Variants in AFF3 observed in about 807,000 individuals in gnomAD.
AFF3 encodes ALF transcription elongation factor 3.
In AFF3, 32 loss-of-function variants were observed where a neutral mutation model predicts 129.7. The ratio of observed to expected loss-of-function variants is 0.25; its 90% confidence interval spans 0.19 to 0.33. The LOEUF is 0.33. Among genes scored for constraint, AFF3 ranks in the 10% least tolerant of loss-of-function variants. The pLI is 1.00. For synonymous variants in AFF3, 644 were observed against 635.4 expected (o/e 1.01, Z -0.20); for missense variants, 1,373 against 1,592.0 (o/e 0.86, Z 2.34).
At chr2:99,799,292 TACATAAAATGAAAC>T (rs1685761952) in intron 8 of AFF3, among the ~76,000 whole-genome samples, 3 of 151,002 alleles carry the variant, frequency 2.0e-5, no homozygotes, top group African/African-American at 7.3e-5. Context: ...TAATACAAAC[TACATAAAATGAAAC>T]ACAGAGAGAA....
At chr2:99,911,114 G>A (rs1011670707) in intron 7 of AFF3, among the ~76,000 whole-genome samples, 4 of 152,230 alleles carry the variant, frequency 2.6e-5, no homozygotes, top group Non-Finnish European at 5.9e-5. Flanking sequence ...GCTAGGGTGT[G>A]GGCTTCCTGG....
At chr2:99,553,651 C>T (rs1470080653) in intron 24 of AFF3, among the ~76,000 whole-genome samples, 5 of 151,978 alleles carry the variant, frequency 3.3e-5, no homozygotes, top group Non-Finnish European at 7.4e-5. Flanking sequence ...TGGTGGCTCA[C>T]GCCTGTAATC....
rs138260665 is a variant in AFF3, at chr2:99,660,193, T to C, written c.1144-10527A>G. On this transcript the variant is annotated intron_variant, in intron 12 of 24. Transcript: ENST00000672756. ...ACTTTCCACTGGCCTTGGCAGGTGG[T>C]TGAGTAATATGAAAGCAACTAGCGC... 5.1e-4 allele frequency among the ~76,000 whole-genome samples: 77 copies of C among 152,282 alleles called. 1 individual carries two copies. The East Asian group carries it at 0.013, about 26-fold the overall frequency.
chr2:99,613,320 G>C (rs1265056940), intron 13 of AFF3, among the ~76,000 whole-genome samples: 1 of 152,070 alleles, frequency 6.6e-6, no homozygotes, highest in African/African-American at 2.4e-5. Context: ...AAAGTTATCT[G>C]TTCCTTGAAA....
At chr2:99,937,901 T>C (rs116296507) in intron 7 of AFF3, among the ~76,000 whole-genome samples, 2,022 of 152,150 alleles carry the variant, frequency 0.013, 56 homozygotes, top group African/African-American at 0.046. Flanking sequence ...AACCAGTCGT[T>C]GATGTATTTC....
chr2:100,029,167 C>A (rs1684284247), intron 4 of AFF3, among the ~76,000 whole-genome samples: 1 of 152,186 alleles, frequency 6.6e-6, no homozygotes, highest in South Asian at 2.1e-4. Context: ...GAAGCCCTAA[C>A]CTCCAGTATC....
intron 7 of AFF3, among the ~76,000 whole-genome samples, chr2:99,997,683 A>T (rs4485586): frequency 0.11 from 16,342 of 152,150 alleles, 1,214 homozygotes; most frequent in Non-Finnish European, 0.15. Flanking sequence ...GCCTTGCAAG[A>T]CGTGGCCTCC....
intron 9 of AFF3, among the ~76,000 whole-genome samples, chr2:99,748,478 G>C (rs901001555): frequency 6.6e-6 from 1 of 152,110 alleles, no homozygotes; most frequent in Non-Finnish European, 1.5e-5. Flanking sequence ...CAAATCATTA[G>C]AGCCCAAGGC....
intron 8 of AFF3, among the ~76,000 whole-genome samples, chr2:99,770,882 C>T (rs963942105): frequency 6.6e-6 from 1 of 152,142 alleles, no homozygotes; most frequent in African/African-American, 2.4e-5. Context: ...CCTCTTTACT[C>T]TTGCCCCTCC....
At chr2:99,583,406 G>A (rs1274995039) in intron 16 of AFF3, among the ~76,000 whole-genome samples, 2 of 152,032 alleles carry the variant, frequency 1.3e-5, no homozygotes, top group African/African-American at 2.4e-5. Flanking sequence ...TTTTTGAGAC[G>A]GGATCTGGCT....
rs187028161 is a variant in AFF3, at chr2:99,828,290, G to A, written c.921+9187C>T. On this transcript the variant is annotated intron_variant, in intron 8 of 24. Coordinates refer to ENST00000672756, the MANE Select transcript of AFF3 (RefSeq NM_001386135.1). ...CATTGCATTGATGGTGAGCTCCAGC[G>A]GGGAATAAGTTACCCTTCAAGGAAG... 5.3e-5 allele frequency among the ~76,000 whole-genome samples: 8 copies of A among 152,264 alleles called. No individual in the cohort carries two copies. In the East Asian group the frequency reaches 5.8e-4, roughly 11 times the overall value.
At chr2:100,011,090 C>T (rs530317474) in intron 4 of AFF3, among the ~76,000 whole-genome samples, 12 of 152,172 alleles carry the variant, frequency 7.9e-5, no homozygotes, top group East Asian at 3.9e-4. Flanking sequence ...CTGGCTAACA[C>T]GGTGAAACCC....
intron 10 of AFF3, among the ~76,000 whole-genome samples, chr2:99,741,551 T>C (rs1283814828): frequency 6.6e-6 from 1 of 152,202 alleles, no homozygotes; most frequent in Admixed American, 6.5e-5. Context: ...TACAAGCCAC[T>C]GCTCAATGAA....
chr2:99,978,994 T>C (rs1366990762), intron 7 of AFF3, among the ~76,000 whole-genome samples: 1 of 152,126 alleles, frequency 6.6e-6, no homozygotes, highest in Non-Finnish European at 1.5e-5. Flanking sequence ...AGGCAGGTGG[T>C]GGAAGGACTG....
At chr2:99,735,456 T>C (rs189210157) in intron 10 of AFF3, among the ~76,000 whole-genome samples, 4 of 152,228 alleles carry the variant, frequency 2.6e-5, no homozygotes, top group Admixed American at 2.0e-4. Context: ...TTAAGATAGA[T>C]GCTTAGTTCA....
At chr2:99,769,807 A>G (rs1683322469) in intron 8 of AFF3, among the ~76,000 whole-genome samples, 1 of 152,248 alleles carries the variant, frequency 6.6e-6, no homozygotes, top group Non-Finnish European at 1.5e-5. Flanking sequence ...TACCAGACAG[A>G]AACTCTTGTT....
chr2:99,578,200 A>C (rs1677172710), intron 18 of AFF3, 127 bp downstream of exon 18: 1 of 1,322,098 alleles, frequency 7.6e-7, no homozygotes, highest in South Asian at 1.7e-5. Context: ...TAAATGACCA[A>C]GTCCCAGGGG....
At chr2:99,848,887 A>C (rs1689930556) in intron 7 of AFF3, among the ~76,000 whole-genome samples, 1 of 152,196 alleles carries the variant, frequency 6.6e-6, no homozygotes, top group African/African-American at 2.4e-5. Flanking sequence ...TGGTTTTTAG[A>C]AACTACTTCC....
At chr2:99,936,309 A>G (rs150426238) in intron 7 of AFF3, among the ~76,000 whole-genome samples, 82 of 152,270 alleles carry the variant, frequency 5.4e-4, no homozygotes, top group African/African-American at 2.0e-3. Flanking sequence ...ATCCCCAGGA[A>G]ATCTGAAGGA....
Sources: gnomAD v4.1 joint callset for allele counts (sites outside exome capture counted in the v4.1 genomes callset) on GRCh38, gnomAD v4.1.1 for gene constraint, MANE v1.5 for transcripts, NCBI Gene and HGNC (gene_info 2026-07-23, HGNC 2026-07-21) for gene names.